Variants in ADAMTSL1 observed in about 807,000 individuals in gnomAD.
ADAMTSL1 encodes ADAMTS-like protein 1.
A neutral mutation model predicts 201.8 loss-of-function variants in ADAMTSL1; 126 were observed. The observed-to-expected ratio is 0.62, with a 90% CI of 0.54 to 0.72. ADAMTSL1 has a LOEUF of 0.72. ADAMTSL1 is among the 30% of genes least tolerant of loss of function. The pLI, the probability that ADAMTSL1 is intolerant of heterozygous loss-of-function variation, is 0.00. For synonymous variants in ADAMTSL1, 1,121 were observed against 903.4 expected, an observed-to-expected ratio of 1.24 and a Z score of -4.32; for missense variants, 2,679 against 2,277.8, an observed-to-expected ratio of 1.18 and a Z score of -3.59.
intron 1 of ADAMTSL1, among the ~76,000 whole-genome samples, chr9:17,916,477 A>C (rs1826098438): frequency 6.6e-6 from 1 of 152,062 alleles, no homozygotes; most frequent in Admixed American, 6.6e-5. Context: ...TTCATTCTTG[A>C]GTTAATTTTT....
At chr9:18,497,253 C>G (rs944735521) in intron 1 of ADAMTSL1, among the ~76,000 whole-genome samples, 1 of 152,268 alleles carries the variant, frequency 6.6e-6, no homozygotes, top group Non-Finnish European at 1.5e-5. Flanking sequence ...AAGGTGATGA[C>G]TTCCTTCAAA....
chr9:18,266,901 A>G (rs762891707), intron 2 of ADAMTSL1, among the ~76,000 whole-genome samples: 5 of 152,176 alleles, frequency 3.3e-5, no homozygotes, highest in Admixed American at 6.6e-5. Context: ...GCTTCTTGCA[A>G]TAACTTCTCG....
chr9:18,035,883 T>C (rs1821173803), intron 1 of ADAMTSL1, among the ~76,000 whole-genome samples: 1 of 152,194 alleles, frequency 6.6e-6, no homozygotes, highest in Non-Finnish European at 1.5e-5. Context: ...AAAATAATTT[T>C]TGTCATGCCC....
At chr9:18,487,785 A>G (rs1433290758) in intron 1 of ADAMTSL1, among the ~76,000 whole-genome samples, 1 of 152,194 alleles carries the variant, frequency 6.6e-6, no homozygotes, top group Non-Finnish European at 1.5e-5. Context: ...TGTTGTTTGA[A>G]CTATGTTTTT....
intron 2 of ADAMTSL1, among the ~76,000 whole-genome samples, chr9:18,207,850 T>A (rs1242590195): frequency 2.6e-5 from 4 of 151,932 alleles, no homozygotes; most frequent in African/African-American, 9.7e-5. Context: ...CACAATTTAG[T>A]CCTAAGAGGA....
intron 1 of ADAMTSL1, among the ~76,000 whole-genome samples, chr9:18,088,862 G>A (rs1587016554): frequency 6.6e-6 from 1 of 152,264 alleles, no homozygotes; most frequent in Admixed American, 6.5e-5. Flanking sequence ...ACTCCCATAT[G>A]ATCTAACAAT....
intron 2 of ADAMTSL1, among the ~76,000 whole-genome samples, chr9:18,432,168 C>T (rs1386974348): frequency 6.6e-6 from 1 of 152,148 alleles, no homozygotes; most frequent in Non-Finnish European, 1.5e-5. Context: ...TGTGTGCCAA[C>T]CATAGATTAC....
intron 2 of ADAMTSL1, among the ~76,000 whole-genome samples, chr9:18,315,141 T>G (rs369673389): frequency 2.6e-5 from 4 of 152,102 alleles, no homozygotes; most frequent in South Asian, 2.1e-4. Flanking sequence ...TGGTCCTTTT[T>G]GACAGGGTGC....
chr9:17,947,343 A>ACACACC (rs1563913368), intron 1 of ADAMTSL1, among the ~76,000 whole-genome samples: 4 of 146,916 alleles, frequency 2.7e-5, no homozygotes, highest in South Asian at 4.3e-4. Flanking sequence ...ACACACACAC[A>ACACACC]CACCCCACTA....
chr9:18,325,075 G>A (rs751868527), intron 2 of ADAMTSL1, among the ~76,000 whole-genome samples: 24 of 152,140 alleles, frequency 1.6e-4, no homozygotes, highest in Non-Finnish European at 3.1e-4. Context: ...GATATAATTA[G>A]AATACTGACA....
In ADAMTSL1 at chr9:18,892,568, T is replaced by C. The variant is rs773347156; in HGVS notation, c.4823T>C (p.Val1608Ala). 1.3e-6 allele frequency: 2 copies of C among 1,570,444 alleles called. No homozygotes were observed. Among genetic ancestry groups the C allele is most frequent in the South Asian group, 2.3e-5 (2 of 85,574 alleles). ...CAGGCCTGTAACCAGCAGCTGTGTG[T>C]GGAGTGGGCCTTCTCCAGCTGGGGC... ...DTQACNQQLC[V>A]EWAFSSWGQC... Residue 1608 changes from valine to alanine, a missense_variant, in exon 26 of 29, where the codon GTG becomes GCG. By Grantham distance (64) the Val-to-Ala change is moderately conservative. Coordinates refer to ENST00000380548, the MANE Select transcript of ADAMTSL1 (RefSeq NM_001040272.6).
At chr9:18,256,224 G>C (rs1237754533) in intron 2 of ADAMTSL1, among the ~76,000 whole-genome samples, 1 of 152,178 alleles carries the variant, frequency 6.6e-6, no homozygotes, top group African/African-American at 2.4e-5. Context: ...CTTGAGGAGG[G>C]TTTTATTCAT....
intron 2 of ADAMTSL1, among the ~76,000 whole-genome samples, chr9:18,442,903 TACG>T (rs1176027183): frequency 6.6e-6 from 1 of 152,198 alleles, no homozygotes; most frequent in Non-Finnish European, 1.5e-5. Flanking sequence ...CTCAGCCTTC[TACG>T]ACCTGCCACA....
chr9:18,703,006 C>A (rs1038320043), intron 13 of ADAMTSL1, among the ~76,000 whole-genome samples: 4 of 152,146 alleles, frequency 2.6e-5, no homozygotes, highest in Non-Finnish European at 4.4e-5. Context: ...AGGTGATCTG[C>A]CTGCGTTGGC....
At chr9:18,813,516 C>G (rs886272734) in intron 20 of ADAMTSL1, among the ~76,000 whole-genome samples, 2 of 152,106 alleles carry the variant, frequency 1.3e-5, no homozygotes, top group Admixed American at 1.3e-4. Context: ...ATGTTTTATA[C>G]TTTTCAGTGT....
intron 1 of ADAMTSL1, among the ~76,000 whole-genome samples, chr9:17,996,383 A>G (rs1253161706): frequency 6.6e-6 from 1 of 152,040 alleles, no homozygotes; most frequent in Admixed American, 6.6e-5. Flanking sequence ...GATAGCAGAG[A>G]CCTTTTCAGT....
chr9:18,459,599 C>A (rs10738510), intron 2 of ADAMTSL1, among the ~76,000 whole-genome samples: 72,710 of 151,990 alleles, frequency 0.48, 17,626 homozygotes, highest in Non-Finnish European at 0.52. Context: ...TTCGTTAATC[C>A]AGTCAGTTTA....
At chr9:18,660,603 G>A (rs1289892609) in intron 8 of ADAMTSL1, among the ~76,000 whole-genome samples, 1 of 152,002 alleles carries the variant, frequency 6.6e-6, no homozygotes, top group African/African-American at 2.4e-5. Flanking sequence ...TTATTATCTG[G>A]AAAATTATAA....
intron 4 of ADAMTSL1, among the ~76,000 whole-genome samples, chr9:18,604,893 T>C (rs1824913342): frequency 6.6e-6 from 1 of 152,226 alleles, no homozygotes; most frequent in South Asian, 2.1e-4. Context: ...CTCCTACTCA[T>C]GCCTACTCTT....
Sources: gnomAD v4.1 joint callset for allele counts (sites outside exome capture counted in the v4.1 genomes callset) on GRCh38, gnomAD v4.1.1 for gene constraint, MANE v1.5 for transcripts, NCBI Gene and HGNC (gene_info 2026-07-23, HGNC 2026-07-21) for gene names.